SPINT1: variants seen among roughly 807,000 people sequenced by gnomAD.
The protein encoded by SPINT1 is kunitz-type protease inhibitor 1.
In SPINT1, 38 loss-of-function variants were observed where a neutral mutation model predicts 53.7. The observed-to-expected ratio is 0.71, with a 90% CI of 0.55 to 0.93. The LOEUF is 0.93. Ranked by LOEUF, SPINT1 falls within the 40% of genes least tolerant of loss-of-function variation. The pLI is 0.00. For missense variants in SPINT1, 645 were observed against 692.9 expected, an observed-to-expected ratio of 0.93 and a Z score of 0.78; for synonymous variants, 283 against 280.6, an observed-to-expected ratio of 1.01 and a Z score of -0.08.
chr15:40,853,944 T>C, intron 5 of SPINT1, 63 bp downstream of exon 5: 1 of 1,613,470 alleles, frequency 6.2e-7, no homozygotes, highest in South Asian at 1.1e-5. Context: ...GTGGTCTCTC[T>C]CTTCTGTGGC....
intron 10 of SPINT1, 55 bp from the exon 11 acceptor site, chr15:40,856,715 G>T: frequency 6.2e-7 from 1 of 1,607,334 alleles, no homozygotes; most frequent in Non-Finnish European, 8.5e-7. Flanking sequence ...TTGGGGGTGG[G>T]TGTCAGAACC....
chr15:40,846,916 A>T (rs1380237939), intron 2 of SPINT1, among the ~76,000 whole-genome samples: 1 of 152,224 alleles, frequency 6.6e-6, no homozygotes, highest in Admixed American at 6.5e-5. Flanking sequence ...CTGTTCCACA[A>T]GGAAGTAGCA....
At position 40,844,935 on chromosome 15, in the gene SPINT1, C is replaced by G. The variant is rs1277192181; in HGVS notation, c.381C>G (p.Phe127Leu). ...TCAACTGCCTCTACGAGCAGAACTT[C>G]GTGTGCAAGTTCGCGCCCAGGGAGG... ...FLINCLYEQN[F>L]VCKFAPREGF... is the part of the protein sequence containing the mutation. Residue 127 changes from phenylalanine to leucine, a missense_variant, in exon 2 of 11, where the codon TTC becomes TTG. By Grantham distance (22) the Phe-to-Leu change is conservative. Transcript: ENST00000562057. This position sits in a 1 kb window ranked among gnomAD's most constrained non-coding sequence, Gnocchi z 5.8. 6.2e-7 allele frequency: 1 copy of G among 1,613,900 alleles called. No homozygotes were observed. Among genetic ancestry groups the G allele is most frequent in the Non-Finnish European group, 8.5e-7 (1 of 1,180,048 alleles).
chr15:40,844,479 C>A lies in SPINT1; in HGVS notation c.-65-11C>A. ...GTGTGTCTCCTCCTCTGTCCCCTCC[C>A]TTCTTCTCAGGTCACCAGCACCCTC... On this transcript the variant is annotated splice_polypyrimidine_tract_variant and intron_variant, in intron 1 of 10. Coordinates refer to ENST00000562057, the MANE Select transcript of SPINT1 (RefSeq NM_003710.4). This position sits in a 1 kb window ranked among gnomAD's most constrained non-coding sequence, Gnocchi z 5.8. 7.0e-7 allele frequency: 1 copy of A among 1,437,558 alleles called. No individual in the cohort carries two copies. The highest frequency in any genetic ancestry group is 9.8e-7 in the Non-Finnish European group (1 of 1,024,886). 89.1% of individuals were successfully genotyped at this position (1,437,558 alleles called of 1,614,324 possible).
At chr15:40,849,153 G>A (rs1200570916) in intron 2 of SPINT1, among the ~76,000 whole-genome samples, 2 of 151,940 alleles carry the variant, frequency 1.3e-5, no homozygotes, top group Admixed American at 6.6e-5. Flanking sequence ...GGCTGAGGCA[G>A]GAGAATGGTG....
At position 40,854,540 on chromosome 15, in the gene SPINT1, G is replaced by C. The variant is rs375374965; in HGVS notation, c.1066+18G>C. ...TGAAAAATGTGAGGCCTGGGGGATA[G>C]AGGGGGTTGGGCAGCAGACAGGGAG... On this transcript the variant is annotated intron_variant, in intron 7 of 10. Coordinates refer to ENST00000562057, the MANE Select transcript of SPINT1 (RefSeq NM_003710.4). The C allele has an allele frequency of 6.2e-7, 1 of 1,613,616 alleles. No individual in the cohort carries two copies. The highest frequency in any genetic ancestry group is 8.5e-7 in the Non-Finnish European group (1 of 1,179,830).
In SPINT1 at chr15:40,846,760, T is replaced by G. The variant is rs144228229; in HGVS notation, c.475+1731T>G. Among the ~76,000 whole-genome samples the G allele has an allele frequency of 9.0e-3, 1,363 of 152,248 alleles. 14 individuals carry two copies. Among genetic ancestry groups the G allele is most frequent in the Non-Finnish European group, 0.015 (987 of 68,006 alleles). The stretch of plus-strand genomic sequence containing the variant: ...TCCTGGGCTAGTCTCTCTGCCAGGC[T>G]AAGGAGGGTCCTCTTTCCTCCCTAT... On this transcript the variant is annotated intron_variant, in intron 2 of 10. Transcript: ENST00000562057.
Position 40,854,675 on chromosome 15 carries a change from T to G in SPINT1, c.1103T>G (p.Phe368Cys). ...SGFDELQRIHFPSDKGHCVDL... is the reference protein window; with the variant it reads ...SGFDELQRIHCPSDKGHCVDL... Reference sequence around the variant, plus strand: ...TTTGACGAGCTCCAGCGCATCCATTTCCCCAGTGACAAAGGTGAGATCCTC... The same window carrying G: ...TTTGACGAGCTCCAGCGCATCCATTGCCCCAGTGACAAAGGTGAGATCCTC... Residue 368 changes from phenylalanine (F) to cysteine (C), a missense_variant, in exon 8 of 11, where the codon TTC becomes TGC. Coordinates refer to ENST00000562057, the MANE Select transcript of SPINT1 (RefSeq NM_003710.4). The G allele has an allele frequency of 6.2e-7, 1 of 1,614,154 alleles. No individual in the cohort carries two copies. Among genetic ancestry groups the G allele is most frequent in the Non-Finnish European group, 8.5e-7 (1 of 1,180,030 alleles).
At chr15:40,851,593 T>C (rs1307212918) in intron 2 of SPINT1, among the ~76,000 whole-genome samples, 1 of 152,248 alleles carries the variant, frequency 6.6e-6, no homozygotes, top group Non-Finnish European at 1.5e-5. Flanking sequence ...TTTCTCTGAA[T>C]GTCCACTGCC....
intron 2 of SPINT1, among the ~76,000 whole-genome samples, chr15:40,845,392 A>G (rs1368370473): frequency 7.7e-6 from 1 of 130,046 alleles, no homozygotes; most frequent in East Asian, 2.2e-4. Flanking sequence ...CTGGTCTTGA[A>G]CTTCTGAACT....
In SPINT1 at chr15:40,853,253, T is replaced by C; in HGVS notation, c.603+2T>C. 6.2e-7 allele frequency: 1 copy of C among 1,613,990 alleles called. No individual in the cohort carries two copies. The highest frequency in any genetic ancestry group is 8.5e-7 in the Non-Finnish European group (1 of 1,179,952). ...GGTGACACGGATGTCAGGGTAGAGG[T>C]GAGACACTGGGCTGACTCTGACCCC... On this transcript the variant is annotated splice_donor_variant, in intron 3 of 10. Transcript: ENST00000562057. LOFTEE classifies it high-confidence loss of function.
rs751536917 is a variant in SPINT1, at chr15:40,844,112, G to A, written c.-140G>A. ...CAGCTCTCCGAGCACCGGGTCGGAA[G>A]CCGCGACCCGAGCCGCGCAGGAAGC... On this transcript the variant is annotated 5_prime_UTR_variant, in exon 1 of 11. Coordinates refer to ENST00000562057, the MANE Select transcript of SPINT1 (RefSeq NM_003710.4). This position sits in a 1 kb window ranked among gnomAD's most constrained non-coding sequence, Gnocchi z 5.8. 3 of 433,326 alleles carry A rather than the reference G, an allele frequency of 6.9e-6. No individual in the cohort carries two copies. Among genetic ancestry groups the A allele is most frequent in the Non-Finnish European group, 4.6e-6 (1 of 219,306 alleles). 26.8% of individuals were successfully genotyped at this position (433,326 alleles called of 1,614,324 possible). A position where few individuals can be genotyped will look rare whatever the true frequency, so the allele number is the denominator to read the frequency against.
chr15:40,856,291 G>T lies in SPINT1; in HGVS notation c.1304G>T (p.Gly435Val). 1.2e-6 allele frequency: 2 copies of T among 1,614,170 alleles called. No homozygotes were observed. The highest frequency in any genetic ancestry group is 1.7e-6 in the Non-Finnish European group (2 of 1,180,036). Reference protein sequence around the residue: ...CRGISKKDVFGLRREIPIPST... With the variant: ...CRGISKKDVFVLRREIPIPST... ...CATTCTGCAGAGAAGGATGTGTTTG[G>T]CCTGAGGCGGGAAATCCCCATTCCC... is the stretch of plus-strand genomic sequence containing the variant. Residue 435 changes from glycine to valine, a missense_variant, in exon 10 of 11, where the codon GGC (glycine) becomes GTC (valine). Transcript: ENST00000562057.
intron 9 of SPINT1, 41 bp downstream of exon 9, chr15:40,856,103 G>C (rs375002691): frequency 2.5e-5 from 41 of 1,609,898 alleles, no homozygotes; most frequent in Non-Finnish European, 3.3e-5. Flanking sequence ...ATGGGGGAAG[G>C]CTTAGCCAGT....
At chr15:40,849,682 G>A (rs1183465601) in intron 2 of SPINT1, among the ~76,000 whole-genome samples, 1 of 152,234 alleles carries the variant, frequency 6.6e-6, no homozygotes, top group Non-Finnish European at 1.5e-5. Flanking sequence ...GAGAGCATTT[G>A]CTGTGGAGTC....
At chr15:40,850,773 G>A (rs892246058) in intron 2 of SPINT1, among the ~76,000 whole-genome samples, 1 of 152,164 alleles carries the variant, frequency 6.6e-6, no homozygotes, top group Non-Finnish European at 1.5e-5. Flanking sequence ...GCCCTGGACC[G>A]CTGCACTGGT....
At chr15:40,856,466 A>T (rs1891644656) in intron 10 of SPINT1, 143 bp downstream of exon 10, 1 of 1,100,946 alleles carries the variant, frequency 9.1e-7, no homozygotes, top group Admixed American at 2.0e-5. Flanking sequence ...TCAAATGGGG[A>T]TGCCTGCCAC....
rs745308738 is a variant in SPINT1 at position 40,855,966 on chromosome 15, G to T, written c.1192G>T (p.Glu398Ter). The change falls in exon 9 of 11, where the codon GAA becomes TAA. Residue 398 changes from glutamate (E) to a stop codon, truncating the protein, a stop_gained. Transcript: ENST00000562057. LOFTEE classifies it high-confidence loss of function. ...GCGCTGGTACTACAACCCCTTCAGCGAACACTGCGCCCGCTTTACCTATGG... is the reference window on the plus strand; with the variant it reads ...GCGCTGGTACTACAACCCCTTCAGCTAACACTGCGCCCGCTTTACCTATGG... ...IPRWYYNPFS[E>*]HCARFTYGGC... 1.2e-6 allele frequency: 2 copies of T among 1,614,232 alleles called. No homozygotes were observed. Among genetic ancestry groups the T allele is most frequent in the Non-Finnish European group, 1.7e-6 (2 of 1,180,048 alleles).
At position 40,854,422 on chromosome 15, in the gene SPINT1, C is replaced by T; in HGVS notation, c.966C>T (p.Thr322=). Residue 322 remains threonine, a synonymous_variant, in exon 7 of 11, where the codon ACC becomes ACT. Coordinates refer to ENST00000562057, the MANE Select transcript of SPINT1 (RefSeq NM_003710.4). ...TGTGCTCTGGCACCTGTCAGCCCAC[C>T]CAGTTCCGCTGCAGCAATGGCTGCT... ...HPVCSGTCQP[T]QFRCSNGCCI... 1 of 1,609,208 alleles carries T rather than the reference C, an allele frequency of 6.2e-7. No homozygotes were observed. The highest frequency in any genetic ancestry group is 1.3e-5 in the African/African-American group (1 of 74,928).
Sources: gnomAD v4.1 joint callset for allele counts (sites outside exome capture counted in the v4.1 genomes callset) on GRCh38, gnomAD v4.1.1 for gene constraint, Gnocchi (gnomAD v3.1) non-coding constraint, MANE v1.5 for transcripts, NCBI Gene and HGNC (gene_info 2026-07-23, HGNC 2026-07-21) for gene names.